The following DNAJC1 variants were observed in gnomAD, a reference collection of about 807,000 sequenced individuals.
The protein encoded by DNAJC1 is DnaJ heat shock protein family (Hsp40) member C1.
A neutral mutation model predicts 76.6 loss-of-function variants in DNAJC1; 58 were observed. The ratio of observed to expected loss-of-function variants is 0.76; its 90% CI spans 0.61 to 0.94. DNAJC1 has a LOEUF of 0.94. Ranked by LOEUF, DNAJC1 falls within the 40% of genes least tolerant of loss-of-function variation. DNAJC1 has a pLI of 0.00. For missense variants in DNAJC1, 689 were observed against 677.3 expected, an observed-to-expected ratio of 1.02 and a Z score of -0.19; for synonymous variants, 258 against 267.9, an observed-to-expected ratio of 0.96 and a Z score of 0.36.
chr10:21,762,491 A>T (rs1834253427), intron 10 of DNAJC1, among the ~76,000 whole-genome samples: 1 of 152,250 alleles, frequency 6.6e-6, no homozygotes, highest in Admixed American at 6.5e-5. Context: ...ATCCACATGT[A>T]GCGTCCTGCT....
chr10:21,756,776 A>G lies in DNAJC1; in HGVS notation c.1597-21T>C, dbSNP rs1350406059. On this transcript the variant is annotated intron_variant, in intron 11 of 11. Transcript: ENST00000376980. ...TCTTCCTGTAGGAAGAAAAAAAGAGAGGTGAGAACAGTCACTTGCACAAGT... is the reference window on the plus strand; with the variant it reads ...TCTTCCTGTAGGAAGAAAAAAAGAGGGGTGAGAACAGTCACTTGCACAAGT... The G allele has an allele frequency of 2.5e-6, 4 of 1,609,702 alleles. No homozygotes were observed. The South Asian group carries it at 4.4e-5, about 18-fold the overall frequency.
chr10:21,978,647 G>C (rs1457695616), intron 1 of DNAJC1, among the ~76,000 whole-genome samples: 1 of 152,112 alleles, frequency 6.6e-6, no homozygotes, highest in African/African-American at 2.4e-5. Flanking sequence ...ACCTGGCAGT[G>C]CTAGTGACTA....
chr10:21,972,294 T>C (rs1837993086), intron 1 of DNAJC1, among the ~76,000 whole-genome samples: 1 of 151,988 alleles, frequency 6.6e-6, no homozygotes, highest in Non-Finnish European at 1.5e-5. Context: ...CAAACCAGCA[T>C]GAGTCCACAG....
chr10:21,891,484 AAAAAAAAAAAAGAAAAG>A (rs996798777), intron 7 of DNAJC1, among the ~76,000 whole-genome samples: 1 of 149,568 alleles, frequency 6.7e-6, no homozygotes, highest in African/African-American at 2.5e-5. Flanking sequence ...GACAAAAAAA[AAAAAAAAAAAAGAAAAG>A]AAAAAAAAAA....
chr10:21,910,958 GAGAA>G (rs1836848795), intron 6 of DNAJC1, among the ~76,000 whole-genome samples: 1 of 144,974 alleles, frequency 6.9e-6, no homozygotes, highest in Non-Finnish European at 1.5e-5. Flanking sequence ...AGAAGAGAGA[GAGAA>G]AGAAAGAGGG....
chr10:21,788,668 G>A (rs1834643301), intron 9 of DNAJC1, among the ~76,000 whole-genome samples: 1 of 152,134 alleles, frequency 6.6e-6, no homozygotes, highest in Non-Finnish European at 1.5e-5. Flanking sequence ...AGATACTGCT[G>A]AGCCCTACCA....
At chr10:21,837,589 T>C (rs1182340817) in intron 8 of DNAJC1, among the ~76,000 whole-genome samples, 3 of 151,062 alleles carry the variant, frequency 2.0e-5, no homozygotes, top group African/African-American at 7.3e-5. Flanking sequence ...GAGGAGCCTC[T>C]CTGCCCGGCC....
intron 10 of DNAJC1, 76 bp from the exon 11 acceptor site, chr10:21,759,694 G>T: frequency 7.1e-7 from 1 of 1,404,578 alleles, no homozygotes; most frequent in Non-Finnish European, 9.8e-7. Flanking sequence ...CAGCTGCCGG[G>T]CACAGAGCAG....
At chr10:21,763,475 C>T (rs1390437049) in intron 10 of DNAJC1, among the ~76,000 whole-genome samples, 1 of 151,958 alleles carries the variant, frequency 6.6e-6, no homozygotes, top group East Asian at 1.9e-4. Flanking sequence ...TCATTATTCC[C>T]TCTGTGGAAG....
At chr10:21,894,341 C>A (rs1294895085) in intron 7 of DNAJC1, among the ~76,000 whole-genome samples, 1 of 152,134 alleles carries the variant, frequency 6.6e-6, no homozygotes, top group East Asian at 1.9e-4. Context: ...GAGGCCAAGG[C>A]AAGTAGATCA....
At chr10:21,893,105 G>C (rs751957053) in intron 7 of DNAJC1, among the ~76,000 whole-genome samples, 2 of 152,108 alleles carry the variant, frequency 1.3e-5, no homozygotes, top group Non-Finnish European at 2.9e-5. Flanking sequence ...TATATGCCAA[G>C]ATGGATCATA....
intron 1 of DNAJC1, among the ~76,000 whole-genome samples, chr10:21,965,177 A>T (rs1455712193): frequency 6.6e-6 from 1 of 152,114 alleles, no homozygotes; most frequent in East Asian, 1.9e-4. Context: ...TCTCTTTGTT[A>T]TCTCAAGATA....
chr10:21,920,017 T>G lies in DNAJC1; in HGVS notation c.538-88A>C. 5 of 783,570 alleles carry G rather than the reference T, an allele frequency of 6.4e-6. No homozygotes were observed. The South Asian group carries it at 7.6e-5, about 12-fold the overall frequency. The allele number at this position is 783,570 out of a possible 1,614,324, so 48.5% of individuals were successfully genotyped here. On this transcript the variant is annotated intron_variant, in intron 4 of 11. Coordinates refer to ENST00000376980, the MANE Select transcript of DNAJC1 (RefSeq NM_022365.4). Reference sequence around the variant, plus strand: ...AGGCTCTTCTGTGAAGGGTAAACATTATAGAGGAACATTTATGCAAATGTA... The same window carrying G: ...AGGCTCTTCTGTGAAGGGTAAACATGATAGAGGAACATTTATGCAAATGTA...
At chr10:21,826,503 T>A (rs923766243) in intron 8 of DNAJC1, among the ~76,000 whole-genome samples, 1 of 152,152 alleles carries the variant, frequency 6.6e-6, no homozygotes, top group Non-Finnish European at 1.5e-5. Context: ...AAGTTTTTAA[T>A]TTTGATGAAA....
intron 6 of DNAJC1, among the ~76,000 whole-genome samples, chr10:21,907,795 G>A (rs1347368297): frequency 6.6e-6 from 1 of 150,950 alleles, no homozygotes; most frequent in African/African-American, 2.4e-5. Flanking sequence ...TGGCCAACAT[G>A]GTGAAGCCCC....
chr10:21,921,919 C>G (rs921507506), intron 3 of DNAJC1, among the ~76,000 whole-genome samples: 21 of 152,142 alleles, frequency 1.4e-4, no homozygotes, highest in African/African-American at 5.1e-4. Context: ...CACACACAAC[C>G]TGTTAATTGA....
chr10:21,971,086 T>C (rs1009405612), intron 1 of DNAJC1, among the ~76,000 whole-genome samples: 1 of 151,892 alleles, frequency 6.6e-6, no homozygotes, highest in South Asian at 2.1e-4. Flanking sequence ...TATACCATAC[T>C]GAATAAAATA....
At chr10:21,864,579 G>A (rs148213459) in intron 8 of DNAJC1, among the ~76,000 whole-genome samples, 2,095 of 151,850 alleles carry the variant, frequency 0.014, 33 homozygotes, top group Non-Finnish European at 0.021. Context: ...CCGATATCAC[G>A]CCACTGCACT....
chr10:21,783,656 A>T (rs1173306575), intron 9 of DNAJC1, among the ~76,000 whole-genome samples: 2 of 152,238 alleles, frequency 1.3e-5, no homozygotes, highest in Non-Finnish European at 2.9e-5. Context: ...AAACTATACT[A>T]CAAGGCTACA....
Sources: allele counts gnomAD v4.1 joint callset (sites outside exome capture counted in the v4.1 genomes callset), GRCh38; gene constraint gnomAD v4.1.1; transcripts MANE v1.5; gene names NCBI Gene and HGNC (gene_info 2026-07-23, HGNC 2026-07-21).